IFT74: variants seen among roughly 807,000 people sequenced by gnomAD.
IFT74 encodes the protein intraflagellar transport protein 74 homolog.
Under a neutral mutation model 96.7 loss-of-function variants are expected in IFT74, and 92 were observed. The observed-to-expected ratio is 0.95, with a 90% CI of 0.80 to 1.13. IFT74 has a LOEUF of 1.13. Among genes scored for constraint, IFT74 ranks in the 50% most tolerant of loss-of-function variants. The pLI is 0.00. For synonymous variants in IFT74, 223 were observed against 213.2 expected (o/e 1.05, Z -0.40); for missense variants, 811 against 698.2 (o/e 1.16, Z -1.82).
intron 13 of IFT74, among the ~76,000 whole-genome samples, chr9:27,030,615 G>C (rs1365489360): frequency 1.3e-5 from 2 of 151,380 alleles, no homozygotes; most frequent in Non-Finnish European, 2.9e-5. Flanking sequence ...GTATGTGTGT[G>C]CTAACTAGAA....
At chr9:27,026,412 C>T (rs980830061) in intron 12 of IFT74, among the ~76,000 whole-genome samples, 1 of 152,086 alleles carries the variant, frequency 6.6e-6, no homozygotes, top group African/African-American at 2.4e-5. Context: ...ATTGACAGCA[C>T]TAGACGGGTC....
Position 27,056,407 on chromosome 9 carries a change from T to G in IFT74, c.1571T>G (p.Ile524Arg). 6.2e-7 allele frequency: 1 copy of G among 1,602,894 alleles called. No homozygotes were observed. The highest frequency in any genetic ancestry group is 8.5e-7 in the Non-Finnish European group (1 of 1,174,250). Residue 524 changes from isoleucine to arginine, a missense_variant, in exon 18 of 20, where the codon ATA (isoleucine) becomes AGA (arginine). Coordinates refer to ENST00000380062, the MANE Select transcript of IFT74 (RefSeq NM_025103.4). Reference protein sequence around the residue: ...AFKKIMEKQNIEYEALKTQLQ... With the variant: ...AFKKIMEKQNREYEALKTQLQ... Reference sequence around the variant, plus strand: ...AAGAAAATAATGGAGAAGCAAAACATAGAGTATGAGGCACTAAAAACACAA... The same window carrying G: ...AAGAAAATAATGGAGAAGCAAAACAGAGAGTATGAGGCACTAAAAACACAA...
chr9:27,018,622 C>G, intron 11 of IFT74, 25 bp from the exon 12 acceptor site: 1 of 1,362,890 alleles, frequency 7.3e-7, no homozygotes, highest in Non-Finnish European at 1.0e-6. Flanking sequence ...TTTTTAAATA[C>G]TACTTTCTTT....
intron 2 of IFT74, among the ~76,000 whole-genome samples, chr9:26,973,963 G>A (rs555355752): frequency 2.3e-4 from 35 of 152,250 alleles, no homozygotes; most frequent in African/African-American, 7.9e-4. Context: ...TTTAATTTGG[G>A]ACATTGTCTC....
chr9:27,046,892 G>C (rs923261031), intron 14 of IFT74, among the ~76,000 whole-genome samples: 1 of 152,100 alleles, frequency 6.6e-6, no homozygotes, highest in Admixed American at 6.6e-5. Flanking sequence ...TCTAAAAATT[G>C]GGCCAGGTGC....
At chr9:26,970,578 T>TTAGTTGAGTAGG (rs1225972850) in intron 2 of IFT74, among the ~76,000 whole-genome samples, 4 of 152,198 alleles carry the variant, frequency 2.6e-5, no homozygotes, top group African/African-American at 9.6e-5. Flanking sequence ...AGTAGCATAA[T>TTAGTTGAGTAGG]TAGTTGAGTA....
chr9:27,048,212 A>T lies in IFT74; in HGVS notation c.1271A>T (p.Asp424Val). 6.2e-7 allele frequency: 1 copy of T among 1,606,244 alleles called. No homozygotes were observed. Among genetic ancestry groups the T allele is most frequent in the South Asian group, 1.1e-5 (1 of 90,454 alleles). ...TNQELKMMQD[D>V]LNFKSTEVQK... ...CAAGAGCTAAAGATGATGCAGGATGACCTCAATTTTAAATCTACTGAAGTG... is the reference window on the plus strand; with the variant it reads ...CAAGAGCTAAAGATGATGCAGGATGTCCTCAATTTTAAATCTACTGAAGTG... Residue 424 changes from aspartate (D) to valine (V), a missense_variant, in exon 16 of 20, where the codon GAC (aspartate) becomes GTC (valine). Coordinates refer to ENST00000380062, the MANE Select transcript of IFT74 (RefSeq NM_025103.4).
At chr9:27,035,904 G>A (rs1030525329) in intron 13 of IFT74, among the ~76,000 whole-genome samples, 1 of 152,120 alleles carries the variant, frequency 6.6e-6, no homozygotes, top group Non-Finnish European at 1.5e-5. Context: ...ATTGGGATTA[G>A]GGGCACTGAG....
intron 4 of IFT74, 56 bp downstream of exon 4, chr9:26,980,675 C>A: frequency 2.7e-6 from 3 of 1,127,528 alleles, no homozygotes; most frequent in Non-Finnish European, 4.0e-6. Flanking sequence ...TGTGTACCTT[C>A]TGTCAAAATA....
At chr9:27,022,507 G>T (rs139039065) in intron 12 of IFT74, among the ~76,000 whole-genome samples, 1 of 151,914 alleles carries the variant, frequency 6.6e-6, no homozygotes, top group Non-Finnish European at 1.5e-5. Context: ...GATTTCTTTC[G>T]GCAGTGTTTT....
intron 8 of IFT74, among the ~76,000 whole-genome samples, chr9:26,991,071 C>T (rs535759128): frequency 1.3e-5 from 2 of 152,298 alleles, no homozygotes; most frequent in African/African-American, 4.8e-5. Flanking sequence ...ACCCAAATTA[C>T]CATATTCAAT....
chr9:26,968,025 G>T (rs2131498339), intron 2 of IFT74, among the ~76,000 whole-genome samples: 1 of 149,998 alleles, frequency 6.7e-6, no homozygotes, highest in Admixed American at 6.6e-5. Context: ...GTTCATCAGG[G>T]ATATTGGCCT....
intron 13 of IFT74, among the ~76,000 whole-genome samples, chr9:27,040,001 T>C (rs1164408545): frequency 6.6e-6 from 1 of 152,120 alleles, no homozygotes; most frequent in Non-Finnish European, 1.5e-5. Context: ...GAGGAGAAAG[T>C]GTTCTGGCTC....
intron 8 of IFT74, chr9:26,993,068 C>A (rs1043843746): frequency 8.3e-4 from 127 of 152,280 alleles, no homozygotes; most frequent in African/African-American, 2.8e-3. Context: ...TAATCCTGCA[C>A]TTTCTAGTTA....
intron 2 of IFT74, among the ~76,000 whole-genome samples, chr9:26,970,172 G>C (rs1213131256): frequency 6.6e-6 from 1 of 151,892 alleles, no homozygotes; most frequent in Non-Finnish European, 1.5e-5. Flanking sequence ...CTGTGGTGAG[G>C]GCATTGCAAA....
rs1268864703 is a variant in IFT74 at position 26,984,359 on chromosome 9, A to T, written c.404+4A>T. The stretch of plus-strand genomic sequence containing the variant: ...TATATTTGTCATATGAAAAGAGGTG[A>T]GTAATAAGTATTCAGTATTCATTCA... On this transcript the variant is annotated splice_donor_region_variant and intron_variant, in intron 5 of 19. Transcript: ENST00000380062. 2 of 1,582,342 alleles carry T rather than the reference A, an allele frequency of 1.3e-6. No individual in the cohort carries two copies. Among genetic ancestry groups the T allele is most frequent in the Non-Finnish European group, 1.7e-6 (2 of 1,162,700 alleles).
At chr9:27,042,145 G>T (rs1425168617) in intron 13 of IFT74, among the ~76,000 whole-genome samples, 1 of 152,122 alleles carries the variant, frequency 6.6e-6, no homozygotes, top group Non-Finnish European at 1.5e-5. Context: ...ACTGAGTTAG[G>T]ATGTCCTGAA....
chr9:26,995,357 G>A, intron 8 of IFT74: 1 of 550,936 alleles, frequency 1.8e-6, no homozygotes. Flanking sequence ...ATTTGAACCT[G>A]CTTGCTCAAT....
chr9:26,994,329 G>A (rs1828030936), intron 8 of IFT74: 1 of 152,076 alleles, frequency 6.6e-6, no homozygotes, highest in African/African-American at 2.4e-5. Flanking sequence ...ATGAGGTCAG[G>A]CGTTCGAGAC....
Sources: gnomAD v4.1 joint callset for allele counts (sites outside exome capture counted in the v4.1 genomes callset) on GRCh38, gnomAD v4.1.1 for gene constraint, MANE v1.5 for transcripts, NCBI Gene and HGNC (gene_info 2026-07-23, HGNC 2026-07-21) for gene names.